BTAF1: variants seen among roughly 807,000 people sequenced by gnomAD.
The protein encoded by BTAF1 is TATA-binding protein-associated factor 172.
A neutral mutation model predicts 227.1 loss-of-function variants in BTAF1; 38 were observed. The observed-to-expected ratio is 0.17, with a 90% CI of 0.13 to 0.22. BTAF1 has a LOEUF of 0.22. BTAF1 is among the 10% of genes least tolerant of loss of function. BTAF1 has a pLI of 1.00. For missense variants in BTAF1, 1,598 were observed against 2,204.0 expected (o/e 0.73, Z 5.51); for synonymous variants, 742 against 751.9 (o/e 0.99, Z 0.21).
chr10:91,996,592 A>T, intron 24 of BTAF1, 22 bp downstream of exon 24: 2 of 1,604,988 alleles, frequency 1.2e-6, no homozygotes, highest in Non-Finnish European at 8.5e-7. Context: ...CATTTGACAA[A>T]CTGTTCAGGA....
chr10:91,964,181 C>T lies in BTAF1; in HGVS notation c.1509C>T (p.Tyr503=), dbSNP rs2133912023. The T allele has an allele frequency of 1.2e-6, 2 of 1,612,698 alleles. No individual in the cohort carries two copies. The highest frequency in any genetic ancestry group is 2.2e-5 in the East Asian group (1 of 44,848). ...IMTLLSSLLT[Y]PQVQQCSIQQ... is the part of the protein sequence containing the mutation. ...CTCTCCTTTCATCCTTGTTAACTTA[C>T]CCTCAGGTCCAACAATGCAGGTAAT... The change falls in exon 13 of 38, where the codon TAC becomes TAT. Residue 503 remains tyrosine (Y), a synonymous_variant. Transcript: ENST00000265990.
At position 92,031,407 on chromosome 10, in the gene BTAF1, T is replaced by A. The variant is rs1237514316; in HGVS notation, c.*2474T>A. ...TTCTGGATGGTTTATATGAACTTAC[T>A]TATTCAAAAGTAAATATTCCACTGA... On this transcript the variant is annotated 3_prime_UTR_variant, in exon 38 of 38. Transcript: ENST00000265990. Among the ~76,000 whole-genome samples the A allele has an allele frequency of 6.6e-6, 1 of 152,236 alleles. No individual in the cohort carries two copies. Among genetic ancestry groups the A allele is most frequent in the Non-Finnish European group, 1.5e-5 (1 of 68,038 alleles).
chr10:91,958,512 G>A (rs536954224), intron 8 of BTAF1, among the ~76,000 whole-genome samples: 2 of 152,130 alleles, frequency 1.3e-5, no homozygotes, highest in South Asian at 2.1e-4. Context: ...GACCAGCCTG[G>A]CCAACATGGA....
chr10:91,972,511 T>G (rs1467763894), intron 14 of BTAF1, among the ~76,000 whole-genome samples: 2 of 152,240 alleles, frequency 1.3e-5, no homozygotes, highest in African/African-American at 4.8e-5. Context: ...TCTAAATCAT[T>G]GTTTAAAGTC....
At chr10:91,961,841 G>A (rs990980415) in intron 11 of BTAF1, among the ~76,000 whole-genome samples, 1 of 152,074 alleles carries the variant, frequency 6.6e-6, no homozygotes, top group Non-Finnish European at 1.5e-5. Context: ...AAGTGGGAAG[G>A]TATGGCTTTT....
At chr10:91,967,159 A>G (rs866035432) in intron 14 of BTAF1, among the ~76,000 whole-genome samples, 6 of 152,190 alleles carry the variant, frequency 3.9e-5, no homozygotes, top group African/African-American at 1.4e-4. Flanking sequence ...CAACTCTTAA[A>G]AGACTTACCA....
chr10:91,943,350 C>G lies in BTAF1; in HGVS notation c.400+782C>G, dbSNP rs552724772. On this transcript the variant is annotated intron_variant, in intron 4 of 37. Coordinates refer to ENST00000265990, the MANE Select transcript of BTAF1 (RefSeq NM_003972.3). The stretch of plus-strand genomic sequence containing the variant: ...AAAAAAATACCGGATAGGTATTGTC[C>G]TAATATTTTTAAACTTACAGAATCT... 1.4e-4 allele frequency among the ~76,000 whole-genome samples: 22 copies of G among 152,218 alleles called. No homozygotes were observed. The South Asian group carries it at 3.5e-3, about 24-fold the overall frequency.
In BTAF1 at chr10:91,956,558, A is replaced by G; in HGVS notation, c.732A>G (p.Glu244=). 1 of 1,599,910 alleles carries G rather than the reference A, an allele frequency of 6.3e-7. No individual in the cohort carries two copies. Among genetic ancestry groups the G allele is most frequent in the South Asian group, 1.1e-5 (1 of 88,092 alleles). Residue 244 remains glutamate (E), a synonymous_variant, in exon 7 of 38, where the codon GAA becomes GAG. Transcript: ENST00000265990. ...ATAGCACTGATGGGGAGCCAGAAGA[A>G]AAGAGACGGAAAATAGCAAATGTTG... ...SNDSTDGEPE[E]KRRKIANVVI...
chr10:91,924,007 C>G lies in BTAF1; in HGVS notation c.-70C>G. The G allele has an allele frequency of 1.9e-6, 3 of 1,572,970 alleles. No individual in the cohort carries two copies. Among genetic ancestry groups the G allele is most frequent in the Non-Finnish European group, 2.6e-6 (3 of 1,162,916 alleles). On this transcript the variant is annotated 5_prime_UTR_variant, in exon 1 of 38. Transcript: ENST00000265990. ...CGGCCTGGGCCTGCGCCGCTCAGCT[C>G]TCTGGAAACTAGCGCCTCAGCTGCG...
intron 33 of BTAF1, among the ~76,000 whole-genome samples, chr10:92,017,051 C>T (rs1234322455): frequency 6.6e-6 from 1 of 152,162 alleles, no homozygotes; most frequent in Non-Finnish European, 1.5e-5. Context: ...TACTACATGG[C>T]AGTAATTTTT....
chr10:91,955,197 A>G (rs1435642230), intron 6 of BTAF1, among the ~76,000 whole-genome samples: 1 of 152,206 alleles, frequency 6.6e-6, no homozygotes, highest in African/African-American at 2.4e-5. Context: ...AAGTTTTTCT[A>G]CTGGTTTTTA....
chr10:92,026,560 G>T, intron 35 of BTAF1, 32 bp from the exon 36 acceptor site: 1 of 1,544,718 alleles, frequency 6.5e-7, no homozygotes, highest in Non-Finnish European at 8.8e-7. Context: ...ACTTAAGAAT[G>T]GACTAATTTT....
intron 1 of BTAF1, among the ~76,000 whole-genome samples, chr10:91,935,423 A>G (rs1049967764): frequency 4.6e-5 from 7 of 152,130 alleles, no homozygotes; most frequent in Admixed American, 3.3e-4. Flanking sequence ...GCTAGTAACC[A>G]CTTATTCTAC....
Position 91,993,816 on chromosome 10 carries a change from A to G in BTAF1, c.3168A>G (p.Pro1056=), listed in dbSNP as rs756058832. 1.1e-5 allele frequency: 17 copies of G among 1,603,936 alleles called. No homozygotes were observed. Among genetic ancestry groups the G allele is most frequent in the Non-Finnish European group, 1.4e-5 (17 of 1,175,004 alleles). Residue 1056 remains proline (P), a synonymous_variant, in exon 22 of 38, where the codon CCA becomes CCG. Coordinates refer to ENST00000265990, the MANE Select transcript of BTAF1 (RefSeq NM_003972.3). ...ATCTCTGGGATGCTATGGTTGGCCCATTGAGGAATACAATCGACATAAATA... is the reference window on the plus strand; with the variant it reads ...ATCTCTGGGATGCTATGGTTGGCCCGTTGAGGAATACAATCGACATAAATA... ...LPHLWDAMVG[P]LRNTIDINNF...
chr10:91,986,746 C>G (rs770904662), intron 19 of BTAF1, among the ~76,000 whole-genome samples: 1 of 152,088 alleles, frequency 6.6e-6, no homozygotes, highest in Non-Finnish European at 1.5e-5. Context: ...ATGGCCCCTT[C>G]TTTAAGATTT....
chr10:91,985,130 C>T (rs182834278), intron 19 of BTAF1, among the ~76,000 whole-genome samples: 108 of 152,152 alleles, frequency 7.1e-4, no homozygotes, highest in African/African-American at 2.4e-3. Context: ...TCACCACTTC[C>T]CAGTAATCTC....
chr10:92,014,863 A>G (rs1278042292), intron 32 of BTAF1, among the ~76,000 whole-genome samples: 1 of 152,252 alleles, frequency 6.6e-6, no homozygotes, highest in Non-Finnish European at 1.5e-5. Flanking sequence ...AATTGTTCCA[A>G]GGCTACAAAC....
At position 92,022,397 on chromosome 10, in the gene BTAF1, G is replaced by A. The variant is rs150971746; in HGVS notation, c.4864-2359G>A. On this transcript the variant is annotated intron_variant, in intron 34 of 37. Coordinates refer to ENST00000265990, the MANE Select transcript of BTAF1 (RefSeq NM_003972.3). ...ACTCTCTGGAACTCTTATGGGATCT[G>A]TATAGGATGTCACACTTATAACACT... 3.2e-3 allele frequency among the ~76,000 whole-genome samples: 483 copies of A among 152,272 alleles called. 2 individuals are homozygous for A. Among genetic ancestry groups the A allele is most frequent in the African/African-American group, 0.011 (460 of 41,560 alleles).
chr10:91,930,929 T>G (rs1333609997), intron 1 of BTAF1, among the ~76,000 whole-genome samples: 1 of 152,226 alleles, frequency 6.6e-6, no homozygotes, highest in African/African-American at 2.4e-5. Flanking sequence ...TCCTAATTTA[T>G]CAGAGAGGTT....
Sources: allele counts gnomAD v4.1 joint callset (sites outside exome capture counted in the v4.1 genomes callset), GRCh38; gene constraint gnomAD v4.1.1; transcripts MANE v1.5; gene names NCBI Gene and HGNC (gene_info 2026-07-23, HGNC 2026-07-21).